ADAMTS6: variants seen among roughly 807,000 people sequenced by gnomAD.
ADAMTS6 encodes ADAM metallopeptidase with thrombospondin type 1 motif 6.
A neutral mutation model predicts 144.3 loss-of-function variants in ADAMTS6; 23 were observed. The observed-to-expected ratio is 0.16, with a 90% confidence interval of 0.11 to 0.23. The LOEUF is 0.23. ADAMTS6 is among the 10% of genes least tolerant of loss of function. ADAMTS6 has a pLI of 1.00. For missense variants in ADAMTS6, 999 were observed against 1,379.6 expected (o/e 0.72, Z 4.37); for synonymous variants, 444 against 457.5 (o/e 0.97, Z 0.38).
At chr5:65,156,359 CAAAA>C (rs748212783) in intron 24 of ADAMTS6, among the ~76,000 whole-genome samples, 6 of 150,960 alleles carry the variant, frequency 4.0e-5, no homozygotes, top group Non-Finnish European at 8.9e-5. Context: ...AAAACAAAAA[CAAAA>C]AACACCAAAA....
At chr5:65,272,440 C>A (rs1409432584) in intron 12 of ADAMTS6, among the ~76,000 whole-genome samples, 2 of 152,052 alleles carry the variant, frequency 1.3e-5, no homozygotes, top group Non-Finnish European at 2.9e-5. Context: ...TCCTCCCACT[C>A]GAGCTTCCCA....
intron 11 of ADAMTS6, among the ~76,000 whole-genome samples, chr5:65,288,899 T>C (rs1344887414): frequency 6.6e-6 from 1 of 152,168 alleles, no homozygotes; most frequent in Non-Finnish European, 1.5e-5. Context: ...TTTTCCAAAG[T>C]AGTATTTAGA....
At chr5:65,286,710 A>C (rs1300327603) in intron 11 of ADAMTS6, among the ~76,000 whole-genome samples, 1 of 152,224 alleles carries the variant, frequency 6.6e-6, no homozygotes, top group Admixed American at 6.5e-5. Flanking sequence ...GATTTGATTT[A>C]AGTGACAGAA....
chr5:65,237,640 A>T (rs1758781393), intron 15 of ADAMTS6, among the ~76,000 whole-genome samples: 1 of 152,174 alleles, frequency 6.6e-6, no homozygotes, highest in Non-Finnish European at 1.5e-5. Context: ...TAGCAAAGAC[A>T]TCATAAGAAG....
intron 11 of ADAMTS6, among the ~76,000 whole-genome samples, chr5:65,274,707 CAG>C (rs34343508): frequency 0.29 from 44,437 of 151,852 alleles, 6,705 homozygotes; most frequent in Admixed American, 0.37. Context: ...TTTTCTGAGA[CAG>C]AGTCTCACTG....
At chr5:65,406,773 G>A (rs1754545721) in intron 7 of ADAMTS6, among the ~76,000 whole-genome samples, 1 of 151,816 alleles carries the variant, frequency 6.6e-6, no homozygotes, top group African/African-American at 2.4e-5. Context: ...TATTGGCTGT[G>A]GGTTTGTCAT....
At chr5:65,217,136 A>G (rs1323163773) in intron 18 of ADAMTS6, among the ~76,000 whole-genome samples, 1 of 152,206 alleles carries the variant, frequency 6.6e-6, no homozygotes, top group Non-Finnish European at 1.5e-5. Flanking sequence ...TAATCTTCAA[A>G]ATAAATCTAA....
chr5:65,452,093 C>A, intron 6 of ADAMTS6, 40 bp downstream of exon 6: 1 of 1,393,710 alleles, frequency 7.2e-7, no homozygotes, highest in South Asian at 1.3e-5. Flanking sequence ...CTATAGCCTT[C>A]TGTTAACAAT....
At chr5:65,209,636 T>C (rs1200052365) in intron 20 of ADAMTS6, among the ~76,000 whole-genome samples, 1 of 152,214 alleles carries the variant, frequency 6.6e-6, no homozygotes, top group African/African-American at 2.4e-5. Context: ...GAGAAAGCTA[T>C]CATTATTGCT....
chr5:65,300,089 C>T lies in ADAMTS6; in HGVS notation c.1266G>A (p.Thr422=), dbSNP rs369383710. ...TAAGTTTTGCTGCTTCATGACCTTTCGTCCCACAAGAATTTCCAATTCCAT... is the reference window on the plus strand; with the variant it reads ...TAAGTTTTGCTGCTTCATGACCTTTTGTCCCACAAGAATTTCCAATTCCAT... ...NHDGIGNSCG[T]KGHEAAKLMA... is the part of the protein sequence containing the mutation. Residue 422 remains threonine (T), a synonymous_variant, in exon 10 of 25, where the codon ACG becomes ACA. Coordinates refer to ENST00000381055, the MANE Select transcript of ADAMTS6 (RefSeq NM_197941.4). 6.2e-6 allele frequency: 10 copies of T among 1,613,938 alleles called. No individual in the cohort carries two copies. The highest frequency in any genetic ancestry group is 1.3e-5 in the African/African-American group (1 of 74,922).
In ADAMTS6 at chr5:65,277,790, A is replaced by C. The variant is rs148411894; in HGVS notation, c.1513-4343T>G. ...TTAGAAGGGAATTTTCCTTGCCTACAAAAGTCTAAAAGTTTCTGAATGACC... is the reference window on the plus strand; with the variant it reads ...TTAGAAGGGAATTTTCCTTGCCTACCAAAGTCTAAAAGTTTCTGAATGACC... On this transcript the variant is annotated intron_variant, in intron 11 of 24. Transcript: ENST00000381055. 4.0e-3 allele frequency among the ~76,000 whole-genome samples: 614 copies of C among 152,260 alleles called. 3 individuals are homozygous for C. The highest frequency in any genetic ancestry group is 6.8e-3 in the Middle Eastern group (2 of 292).
intron 7 of ADAMTS6, among the ~76,000 whole-genome samples, chr5:65,443,888 G>A (rs1359942169): frequency 6.6e-6 from 1 of 151,934 alleles, no homozygotes; most frequent in African/African-American, 2.4e-5. Context: ...GTGAAAGACG[G>A]AATTCTTTCC....
chr5:65,360,265 A>C (rs1749703640), intron 7 of ADAMTS6, among the ~76,000 whole-genome samples: 1 of 152,136 alleles, frequency 6.6e-6, no homozygotes, highest in Non-Finnish European at 1.5e-5. Flanking sequence ...ACACTTTTAA[A>C]CAACTAGATC....
At chr5:65,240,881 A>G (rs1481711758) in intron 15 of ADAMTS6, among the ~76,000 whole-genome samples, 1 of 152,218 alleles carries the variant, frequency 6.6e-6, no homozygotes, top group African/African-American at 2.4e-5. Context: ...AAGTATGTGC[A>G]TTGGTCAAAA....
At chr5:65,333,995 A>AT (rs764626643) in intron 8 of ADAMTS6, 47 bp downstream of exon 8, 5 of 1,211,582 alleles carry the variant, frequency 4.1e-6, no homozygotes, top group East Asian at 6.6e-5. Flanking sequence ...TTCTACCTTT[A>AT]TTAAAAAAAA....
intron 20 of ADAMTS6, among the ~76,000 whole-genome samples, chr5:65,204,764 G>A (rs1755971008): frequency 6.6e-6 from 1 of 152,154 alleles, no homozygotes; most frequent in East Asian, 1.9e-4. Flanking sequence ...AAAAATCTCA[G>A]TGATAGGTTT....
rs534877588 is a variant in ADAMTS6, at chr5:65,211,571, C to T, written c.2575+3223G>A. On this transcript the variant is annotated intron_variant, in intron 20 of 24. Coordinates refer to ENST00000381055, the MANE Select transcript of ADAMTS6 (RefSeq NM_197941.4). ...GAGCCGAGATCACACCACTGTGCTC[C>T]AGCCTGGGTGACAGGGTGAGACTCT... Among the ~76,000 whole-genome samples, 10 of 152,178 alleles carry T rather than the reference C, an allele frequency of 6.6e-5. 1 individual carries two copies. The South Asian group carries it at 2.1e-3, about 32-fold the overall frequency.
At chr5:65,304,542 C>T (rs1369908729) in intron 9 of ADAMTS6, among the ~76,000 whole-genome samples, 1 of 152,096 alleles carries the variant, frequency 6.6e-6, no homozygotes, top group African/African-American at 2.4e-5. Context: ...AAGCAGTCCT[C>T]CCACTTCATT....
chr5:65,260,526 T>A, intron 14 of ADAMTS6, 74 bp downstream of exon 14: 1 of 1,244,050 alleles, frequency 8.0e-7, no homozygotes, highest in Non-Finnish European at 1.2e-6. Context: ...TCAAATAGTT[T>A]AAAATTAAAA....
Sources: allele counts gnomAD v4.1 joint callset (sites outside exome capture counted in the v4.1 genomes callset), GRCh38; gene constraint gnomAD v4.1.1; transcripts MANE v1.5; gene names NCBI Gene and HGNC (gene_info 2026-07-23, HGNC 2026-07-21).